The following REC114 variants were observed in gnomAD, a reference collection of about 807,000 sequenced individuals.
REC114 encodes meiotic recombination protein REC114.
A neutral mutation model predicts 31.3 loss-of-function variants in REC114; 27 were observed. That is an observed-to-expected ratio of 0.86 (90% CI 0.64 to 1.19). The LOEUF is 1.19. Ranked by LOEUF, REC114 falls within the 50% of genes most tolerant of loss-of-function variation. The pLI, the probability that REC114 is intolerant of heterozygous loss-of-function variation, is 0.00. For missense variants in REC114, 344 were observed against 326.9 expected (o/e 1.05, Z -0.40); for synonymous variants, 134 against 127.7 (o/e 1.05, Z -0.33).
At chr15:73,545,647 C>T (rs1024322742) in intron 3 of REC114, among the ~76,000 whole-genome samples, 4 of 152,116 alleles carry the variant, frequency 2.6e-5, no homozygotes, top group Non-Finnish European at 5.9e-5. Flanking sequence ...TACTCTGTTG[C>T]TTTTTTGGAA....
chr15:73,464,198 C>A (rs1411954708), intron 1 of REC114, among the ~76,000 whole-genome samples: 7 of 151,730 alleles, frequency 4.6e-5, no homozygotes, highest in Admixed American at 4.6e-4. Context: ...CCTGCTTGCT[C>A]TTTTAAACTA....
At chr15:73,476,489 A>G (rs933355885) in intron 2 of REC114, among the ~76,000 whole-genome samples, 2 of 152,026 alleles carry the variant, frequency 1.3e-5, no homozygotes, top group African/African-American at 4.8e-5. Flanking sequence ...TATATCTTTA[A>G]TTGACAGATA....
chr15:73,491,410 C>T (rs972353207), intron 2 of REC114, among the ~76,000 whole-genome samples: 1 of 151,616 alleles, frequency 6.6e-6, no homozygotes, highest in African/African-American at 2.4e-5. Flanking sequence ...CATCTATTAA[C>T]CTGTTGGATA....
At chr15:73,524,477 T>A (rs984554236) in intron 2 of REC114, among the ~76,000 whole-genome samples, 1 of 152,218 alleles carries the variant, frequency 6.6e-6, no homozygotes, top group Admixed American at 6.5e-5. Context: ...ATCATAGATA[T>A]CTCAATTGGT....
chr15:73,553,267 GTTTGA>G (rs1284621384), intron 4 of REC114, among the ~76,000 whole-genome samples: 3 of 151,994 alleles, frequency 2.0e-5, no homozygotes, highest in Non-Finnish European at 2.9e-5. Flanking sequence ...CCTTCCCTTC[GTTTGA>G]TTTTTGTGAA....
intron 2 of REC114, among the ~76,000 whole-genome samples, chr15:73,528,355 T>C (rs575213119): frequency 6.6e-6 from 1 of 152,326 alleles, no homozygotes; most frequent in African/African-American, 2.4e-5. Flanking sequence ...AAAACCATTA[T>C]GTACCTACTA....
At chr15:73,478,263 CAAAAAAAAAAAAAAAAAAAAAAAAGAATT>C (rs892900923) in intron 2 of REC114, among the ~76,000 whole-genome samples, 1 of 40,332 alleles carries the variant, frequency 2.5e-5, no homozygotes, top group Admixed American at 2.9e-4. Context: ...GACTCTGTCT[CAAAAAAAAAAAAAAAAAAAAAAAAGAATT>C]TGGGTTTATT....
intron 1 of REC114, among the ~76,000 whole-genome samples, chr15:73,471,969 C>A (rs1411660140): frequency 6.6e-6 from 1 of 152,070 alleles, no homozygotes; most frequent in Admixed American, 6.5e-5. Context: ...GAAAAAGAAG[C>A]AGATAGTGAT....
chr15:73,496,239 C>T (rs1426819463), intron 2 of REC114, among the ~76,000 whole-genome samples: 1 of 150,046 alleles, frequency 6.7e-6, no homozygotes, highest in African/African-American at 2.5e-5. Flanking sequence ...GTGGTCCCAG[C>T]TACTCGGGAG....
chr15:73,489,663 T>G (rs1166449523), intron 2 of REC114, among the ~76,000 whole-genome samples: 1 of 151,898 alleles, frequency 6.6e-6, no homozygotes, highest in Non-Finnish European at 1.5e-5. Context: ...TATTAACTTA[T>G]GTAAGTTTCA....
intron 2 of REC114, among the ~76,000 whole-genome samples, chr15:73,520,475 C>T (rs1390100729): frequency 6.6e-6 from 1 of 152,144 alleles, no homozygotes; most frequent in Non-Finnish European, 1.5e-5. Context: ...GTGATCCACC[C>T]ACCTTGGCCC....
intron 1 of REC114, among the ~76,000 whole-genome samples, chr15:73,450,995 G>A (rs1892838562): frequency 6.6e-6 from 1 of 152,138 alleles, no homozygotes; most frequent in Admixed American, 6.5e-5. Flanking sequence ...AGTGTGTAGA[G>A]GGAAATTTAT....
At chr15:73,494,529 T>G (rs1893490843) in intron 2 of REC114, among the ~76,000 whole-genome samples, 1 of 151,916 alleles carries the variant, frequency 6.6e-6, no homozygotes, top group Non-Finnish European at 1.5e-5. Flanking sequence ...TTTTCTTACC[T>G]CAAAGTCTAA....
chr15:73,530,524 T>C (rs1304271236), intron 2 of REC114, among the ~76,000 whole-genome samples: 1 of 152,102 alleles, frequency 6.6e-6, no homozygotes, highest in East Asian at 1.9e-4. Flanking sequence ...GGTGCATGCC[T>C]ATGGTCCCAG....
chr15:73,520,985 T>C (rs1893929503), intron 2 of REC114, among the ~76,000 whole-genome samples: 2 of 152,194 alleles, frequency 1.3e-5, no homozygotes, highest in South Asian at 4.1e-4. Context: ...AAGGCAGATA[T>C]GATTCACAAG....
At chr15:73,492,537 T>C (rs1049410742) in intron 2 of REC114, among the ~76,000 whole-genome samples, 3 of 152,206 alleles carry the variant, frequency 2.0e-5, no homozygotes, top group Non-Finnish European at 4.4e-5. Flanking sequence ...GCAGCGCTTC[T>C]CAAACATTAA....
At chr15:73,509,784 C>A (rs1259391671) in intron 2 of REC114, among the ~76,000 whole-genome samples, 1 of 151,634 alleles carries the variant, frequency 6.6e-6, no homozygotes, top group Non-Finnish European at 1.5e-5. Flanking sequence ...GGGCTCTGTT[C>A]TGTTCCATTG....
chr15:73,491,380 T>C (rs1344256898), intron 2 of REC114, among the ~76,000 whole-genome samples: 2 of 151,906 alleles, frequency 1.3e-5, no homozygotes, highest in Non-Finnish European at 2.9e-5. Context: ...TTGTGTATTA[T>C]CTTAATTTCT....
chr15:73,556,493 T>A, intron 5 of REC114, 102 bp downstream of exon 5: 2 of 962,900 alleles, frequency 2.1e-6, no homozygotes, highest in Non-Finnish European at 3.1e-6. Context: ...GAGAAACTTC[T>A]AAAGCATTAC....
Sources: gnomAD v4.1 joint callset for allele counts (sites outside exome capture counted in the v4.1 genomes callset) on GRCh38, gnomAD v4.1.1 for gene constraint, MANE v1.5 for transcripts, NCBI Gene and HGNC (gene_info 2026-07-23, HGNC 2026-07-21) for gene names.